The following PITPNB variants were observed in gnomAD, a reference collection of about 807,000 sequenced individuals.
The protein encoded by PITPNB is phosphatidylinositol transfer protein beta.
PITPNB carries 16 observed loss-of-function variants against 45.9 expected under a neutral mutation model. The ratio of observed to expected loss-of-function variants is 0.35; its 90% CI spans 0.24 to 0.53. PITPNB has a LOEUF of 0.53. PITPNB is among the 20% of genes least tolerant of loss of function. PITPNB has a pLI of 0.93. For synonymous variants in PITPNB, 112 were observed against 108.9 expected (o/e 1.03, Z -0.18); for missense variants, 188 against 330.5 (o/e 0.57, Z 3.34).
At chr22:27,902,800 C>T (rs1352280660) in intron 3 of PITPNB, among the ~76,000 whole-genome samples, 1 of 152,122 alleles carries the variant, frequency 6.6e-6, no homozygotes, top group African/African-American at 2.4e-5. Flanking sequence ...ATCACTGCCA[C>T]CTCTAACTTC....
In PITPNB at chr22:27,854,875, C is replaced by T. The variant is rs1934126872; in HGVS notation, c.*17G>A. ...TTACACAGTTTGACATTGTCTCTGACCCTACAGGGGACTCATCTAGACATC... is the reference window on the plus strand; with the variant it reads ...TTACACAGTTTGACATTGTCTCTGATCCTACAGGGGACTCATCTAGACATC... On this transcript the variant is annotated 3_prime_UTR_variant, in exon 11 of 12. Transcript: ENST00000335272. 2.5e-6 allele frequency: 4 copies of T among 1,611,764 alleles called. No individual in the cohort carries two copies. Among genetic ancestry groups the T allele is most frequent in the African/African-American group, 1.3e-5 (1 of 74,890 alleles).
chr22:27,871,485 T>C (rs1934657695), intron 8 of PITPNB, among the ~76,000 whole-genome samples: 1 of 152,218 alleles, frequency 6.6e-6, no homozygotes, highest in African/African-American at 2.4e-5. Flanking sequence ...ATGTACTTTT[T>C]TAGAAGTTAC....
chr22:27,853,202 G>A lies in PITPNB; in HGVS notation c.*500C>T, dbSNP rs1934075309. 6.2e-6 allele frequency: 1 copy of A among 160,406 alleles called. No homozygotes were observed. The highest frequency in any genetic ancestry group is 1.4e-5 in the Non-Finnish European group (1 of 73,322). The allele number at this position is 160,406 out of a possible 1,614,324, so 9.9% of individuals were successfully genotyped here. ...AAATTTATAACAGACTGACTTAAAA[G>A]AAGAGAAAAATAATAAAAGGCTATA... On this transcript the variant is annotated 3_prime_UTR_variant, in exon 12 of 12. Transcript: ENST00000335272.
At chr22:27,884,059 C>T (rs976623060) in intron 7 of PITPNB, among the ~76,000 whole-genome samples, 2 of 152,162 alleles carry the variant, frequency 1.3e-5, no homozygotes, top group African/African-American at 2.4e-5. Context: ...GCTGCTTGCA[C>T]GAAGTGTTTC....
intron 8 of PITPNB, 32 bp from the exon 9 acceptor site, chr22:27,860,273 TGAC>T: frequency 7.7e-7 from 1 of 1,290,800 alleles, no homozygotes. Context: ...GGAGAAATTA[TGAC>T]TTAAATATTT....
At chr22:27,875,377 C>A (rs1240932927) in intron 7 of PITPNB, among the ~76,000 whole-genome samples, 1 of 152,240 alleles carries the variant, frequency 6.6e-6, no homozygotes, top group Non-Finnish European at 1.5e-5. Context: ...GGACTTACTT[C>A]CTATGTCTGG....
intron 8 of PITPNB, among the ~76,000 whole-genome samples, chr22:27,872,081 GTTTTTTTTTTTT>G (rs58288724): frequency 6.1e-4 from 39 of 64,434 alleles, no homozygotes; most frequent in East Asian, 5.4e-3. Flanking sequence ...ATTAAGCCTG[GTTTTTTTTTTTT>G]TTTTTTTTTT....
intron 7 of PITPNB, among the ~76,000 whole-genome samples, chr22:27,887,386 G>C (rs1343787969): frequency 6.6e-6 from 1 of 152,188 alleles, no homozygotes; most frequent in Non-Finnish European, 1.5e-5. Flanking sequence ...AAGCAAGAGA[G>C]TCAGGCTCCC....
intron 5 of PITPNB, 33 bp downstream of exon 5, chr22:27,897,093 TAAAG>T (rs1349898675): frequency 1.0e-5 from 14 of 1,404,504 alleles, no homozygotes; most frequent in African/African-American, 2.8e-5. Context: ...AGTTTAAAGA[TAAAG>T]AAAGTATGAG....
chr22:27,880,049 G>A, intron 7 of PITPNB, among the ~76,000 whole-genome samples: 1 of 152,150 alleles, frequency 6.6e-6, no homozygotes, highest in East Asian at 1.9e-4. Flanking sequence ...ACACACTTAT[G>A]TGTCAGGCCC....
At chr22:27,891,172 G>A (rs1208612614) in intron 7 of PITPNB, among the ~76,000 whole-genome samples, 1 of 152,154 alleles carries the variant, frequency 6.6e-6, no homozygotes, top group Non-Finnish European at 1.5e-5. Context: ...GCAGGACCCT[G>A]TTAATGTACC....
chr22:27,887,896 A>G (rs1191131570), intron 7 of PITPNB, among the ~76,000 whole-genome samples: 1 of 152,142 alleles, frequency 6.6e-6, no homozygotes, highest in Non-Finnish European at 1.5e-5. Context: ...CACATTACCC[A>G]GCCACTAAAT....
At chr22:27,897,717 A>G in intron 4 of PITPNB, 84 bp downstream of exon 4, 1 of 908,464 alleles carries the variant, frequency 1.1e-6, no homozygotes. Context: ...TGCTCAGTGT[A>G]AACCTTCTCA....
chr22:27,902,315 T>G (rs1935619363), intron 3 of PITPNB, among the ~76,000 whole-genome samples: 1 of 152,080 alleles, frequency 6.6e-6, no homozygotes. Flanking sequence ...GCCTCCAGCA[T>G]GGCTAGACTG....
At chr22:27,918,769 TCA>T (rs988054293) in intron 1 of PITPNB, among the ~76,000 whole-genome samples, 1 of 151,916 alleles carries the variant, frequency 6.6e-6, no homozygotes. Flanking sequence ...GGACGACAAA[TCA>T]CAGTCAGAAC....
intron 7 of PITPNB, among the ~76,000 whole-genome samples, chr22:27,886,132 A>G (rs78076267): frequency 0.017 from 2,597 of 152,328 alleles, 37 homozygotes; most frequent in African/African-American, 0.039. Flanking sequence ...TAACAACTTA[A>G]TAACACTTCA....
At chr22:27,905,591 T>G (rs1935732893) in intron 3 of PITPNB, among the ~76,000 whole-genome samples, 1 of 152,228 alleles carries the variant, frequency 6.6e-6, no homozygotes, top group African/African-American at 2.4e-5. Context: ...CTTACAAAAA[T>G]GAACTCTTAC....
chr22:27,883,081 T>C (rs1452569158), intron 7 of PITPNB, among the ~76,000 whole-genome samples: 1 of 152,136 alleles, frequency 6.6e-6, no homozygotes, highest in Non-Finnish European at 1.5e-5. Context: ...AGTTCAGCAG[T>C]TGTGGGAGGA....
In PITPNB at chr22:27,913,451, T is replaced by A. The variant is rs1209762303; in HGVS notation, c.51+866A>T. Among the ~76,000 whole-genome samples the A allele has an allele frequency of 3.9e-5, 6 of 152,176 alleles. No individual in the cohort carries two copies. The East Asian group carries it at 1.2e-3, about 29-fold the overall frequency. On this transcript the variant is annotated intron_variant, in intron 2 of 11. Transcript: ENST00000335272. ...CAAGTTACAGAAGAGCCTAGAGGGT[T>A]TTATGGGTTTTGCTATATATATCTT...
Sources: allele counts gnomAD v4.1 joint callset (sites outside exome capture counted in the v4.1 genomes callset), GRCh38; gene constraint gnomAD v4.1.1; transcripts MANE v1.5; gene names NCBI Gene and HGNC (gene_info 2026-07-23, HGNC 2026-07-21).